The following RANBP17 variants were observed in gnomAD, a reference collection of about 807,000 sequenced individuals.
The protein encoded by RANBP17 is ran-binding protein 17.
A neutral mutation model predicts 141.2 loss-of-function variants in RANBP17; 158 were observed. The observed-to-expected ratio is 1.12, with a 90% confidence interval of 0.98 to 1.28. The LOEUF is 1.28. Ranked by LOEUF, RANBP17 falls within the 50% of genes most tolerant of loss-of-function variation. The pLI is 0.00. For synonymous variants in RANBP17, 430 were observed against 450.0 expected, an observed-to-expected ratio of 0.96 and a Z score of 0.56; for missense variants, 1,438 against 1,290.7, an observed-to-expected ratio of 1.11 and a Z score of -1.75.
chr5:171,243,011 T>C, intron 24 of RANBP17, 191 bp downstream of exon 24: 1 of 596,800 alleles, frequency 1.7e-6, no homozygotes, highest in South Asian at 2.0e-5. Context: ...CAGTTATGTT[T>C]TAATCAGCTT....
chr5:171,212,370 C>A (rs1168478623), intron 20 of RANBP17, among the ~76,000 whole-genome samples: 1 of 152,096 alleles, frequency 6.6e-6, no homozygotes, highest in Non-Finnish European at 1.5e-5. Context: ...ATAGAGAAAA[C>A]ATCCCATGGG....
rs768782799 is a variant in RANBP17, at chr5:170,878,142, A to G, written c.64A>G (p.Thr22Ala). The change falls in exon 2 of 28, where the codon ACT becomes GCT. Residue 22 changes from threonine (T) to alanine (A), a missense_variant. Coordinates refer to ENST00000523189, the MANE Select transcript of RANBP17 (RefSeq NM_022897.5). The part of the protein sequence containing the change: ...EVLCTHLYIG[T>A]DLTQRIEAEK... Reference sequence around the variant, plus strand: ...GTTATGTACTCATCTCTACATAGGGACTGATCTTACACAAAGAATAGAGGC... The same window carrying G: ...GTTATGTACTCATCTCTACATAGGGGCTGATCTTACACAAAGAATAGAGGC... 3.7e-6 allele frequency: 6 copies of G among 1,612,400 alleles called. No homozygotes were observed. Among genetic ancestry groups the G allele is most frequent in the Middle Eastern group, 1.7e-4 (1 of 6,050 alleles).
intron 14 of RANBP17, among the ~76,000 whole-genome samples, chr5:171,120,889 A>G (rs1755985619): frequency 6.6e-6 from 1 of 152,222 alleles, no homozygotes. Context: ...TGTATGAATT[A>G]GTTTTTCATT....
intron 5 of RANBP17, among the ~76,000 whole-genome samples, chr5:170,898,816 A>C (rs1383500736): frequency 6.6e-6 from 1 of 152,084 alleles, no homozygotes; most frequent in Non-Finnish European, 1.5e-5. Flanking sequence ...GTTTGTCAAA[A>C]ATCAGATGGT....
At chr5:171,245,386 C>T (rs997871994) in intron 24 of RANBP17, among the ~76,000 whole-genome samples, 1 of 152,196 alleles carries the variant, frequency 6.6e-6, no homozygotes, top group African/African-American at 2.4e-5. Context: ...ACAATCTCAG[C>T]CCACTGCAAC....
intron 24 of RANBP17, among the ~76,000 whole-genome samples, chr5:171,259,716 C>A (rs752255002): frequency 1.3e-5 from 2 of 152,146 alleles, no homozygotes; most frequent in South Asian, 4.1e-4. Context: ...CATGGTGGCT[C>A]ACGCCCGTAA....
At chr5:170,912,551 C>A (rs1016895716) in intron 7 of RANBP17, among the ~76,000 whole-genome samples, 1 of 151,802 alleles carries the variant, frequency 6.6e-6, no homozygotes, top group Non-Finnish European at 1.5e-5. Flanking sequence ...GATAATGCAT[C>A]CCTGAAACAA....
chr5:171,259,431 T>C (rs2128012638), intron 24 of RANBP17, among the ~76,000 whole-genome samples: 1 of 152,298 alleles, frequency 6.6e-6, no homozygotes, highest in Non-Finnish European at 1.5e-5. Flanking sequence ...GTTTATTACA[T>C]CAGTATTCAC....
intron 21 of RANBP17, among the ~76,000 whole-genome samples, chr5:171,219,079 A>C (rs1464205605): frequency 1.3e-5 from 2 of 152,224 alleles, no homozygotes; most frequent in Non-Finnish European, 2.9e-5. Context: ...CTTGTAAGGC[A>C]GACCTGGTGG....
intron 14 of RANBP17, chr5:170,968,652 G>A: frequency 9.9e-6 from 5 of 503,424 alleles, no homozygotes; most frequent in South Asian, 7.9e-5. Flanking sequence ...AATCAATTTT[G>A]CCTTATTGTA....
intron 14 of RANBP17, among the ~76,000 whole-genome samples, chr5:171,063,185 T>G (rs1784030020): frequency 1.3e-5 from 2 of 152,252 alleles, no homozygotes; most frequent in Non-Finnish European, 2.9e-5. Flanking sequence ...CTGTCCAGCT[T>G]TGTTCTGTTG....
At position 171,092,904 on chromosome 5, in the gene RANBP17, T is replaced by C. The variant is rs1010069556; in HGVS notation, c.1711-77226T>C. On this transcript the variant is annotated intron_variant, in intron 14 of 27. Coordinates refer to ENST00000523189, the MANE Select transcript of RANBP17 (RefSeq NM_022897.5). Reference sequence around the variant, plus strand: ...GGCATTTAATGGATGTCCACTAATATTTAGTTTGGTTTGTGTTGCATATTA... The same window carrying C: ...GGCATTTAATGGATGTCCACTAATACTTAGTTTGGTTTGTGTTGCATATTA... 5.3e-5 allele frequency among the ~76,000 whole-genome samples: 8 copies of C among 152,320 alleles called. No individual in the cohort carries two copies. The South Asian group carries it at 1.0e-3, about 20-fold the overall frequency.
chr5:171,246,023 C>A (rs1765194918), intron 24 of RANBP17, among the ~76,000 whole-genome samples: 1 of 152,008 alleles, frequency 6.6e-6, no homozygotes, highest in Non-Finnish European at 1.5e-5. Context: ...GGATTACAGG[C>A]ATGTGCCACC....
chr5:171,123,477 A>G (rs371919875), intron 14 of RANBP17, among the ~76,000 whole-genome samples: 159 of 152,336 alleles, frequency 1.0e-3, no homozygotes, highest in African/African-American at 3.8e-3. Flanking sequence ...TTCCACTGCT[A>G]CTGCCACTGC....
At chr5:171,152,934 T>C (rs561716694) in intron 14 of RANBP17, among the ~76,000 whole-genome samples, 54 of 152,338 alleles carry the variant, frequency 3.5e-4, no homozygotes, top group South Asian at 8.3e-4. Context: ...ATTCACAAGA[T>C]TTGACCTTAG....
chr5:171,246,009 C>T (rs1271881289), intron 24 of RANBP17, among the ~76,000 whole-genome samples: 1 of 151,542 alleles, frequency 6.6e-6, no homozygotes, highest in Admixed American at 6.6e-5. Flanking sequence ...CTCCCAAGTA[C>T]CTGGGATTAC....
At chr5:171,033,471 C>T (rs895278720) in intron 14 of RANBP17, among the ~76,000 whole-genome samples, 1 of 152,102 alleles carries the variant, frequency 6.6e-6, no homozygotes, top group South Asian at 2.1e-4. Flanking sequence ...AACCTGGGAC[C>T]ATGCTGTCCT....
intron 13 of RANBP17, 139 bp downstream of exon 13, chr5:170,953,841 A>C: frequency 1.7e-6 from 1 of 600,040 alleles, no homozygotes; most frequent in Non-Finnish European, 2.9e-6. Flanking sequence ...TGGTGAGAAA[A>C]CCAAGGCTCA....
At chr5:171,087,513 T>C (rs1436710013) in intron 14 of RANBP17, among the ~76,000 whole-genome samples, 2 of 152,138 alleles carry the variant, frequency 1.3e-5, no homozygotes, top group African/African-American at 2.4e-5. Flanking sequence ...AATTCCTGGA[T>C]ATCCTTGTTG....
Sources: gnomAD v4.1 joint callset for allele counts (sites outside exome capture counted in the v4.1 genomes callset) on GRCh38, gnomAD v4.1.1 for gene constraint, MANE v1.5 for transcripts, NCBI Gene and HGNC (gene_info 2026-07-23, HGNC 2026-07-21) for gene names.